GNAL: variants seen among roughly 807,000 people sequenced by gnomAD.
GNAL encodes guanine nucleotide-binding protein G(olf) subunit alpha.
GNAL carries 18 observed loss-of-function variants against 55.1 expected under a neutral mutation model. That is an observed-to-expected ratio of 0.33 (90% CI 0.23 to 0.48). The LOEUF (loss-of-function observed/expected upper bound fraction) is 0.48, where lower values mean the gene tolerates loss of function less well. Among genes scored for constraint, GNAL ranks in the 20% least tolerant of loss-of-function variants. GNAL has a pLI of 0.99. For missense variants in GNAL, 412 were observed against 614.1 expected, an observed-to-expected ratio of 0.67 and a Z score of 3.48; for synonymous variants, 253 against 237.0, an observed-to-expected ratio of 1.07 and a Z score of -0.62.
rs528181940 is a variant in GNAL, at chr18:11,766,704, C to G, written c.624+12759C>G. 3.3e-5 allele frequency among the ~76,000 whole-genome samples: 5 copies of G among 152,312 alleles called. No individual in the cohort carries two copies. The East Asian group carries it at 9.6e-4, about 29-fold the overall frequency. On this transcript the variant is annotated intron_variant, in intron 4 of 11. Coordinates refer to ENST00000334049, the MANE Select transcript of GNAL (RefSeq NM_182978.4). ...GAAATTTAACAATAGAGTAAATTAGCTGGAAACTGCTTGGGTGCTGAGACC... is the reference window on the plus strand; with the variant it reads ...GAAATTTAACAATAGAGTAAATTAGGTGGAAACTGCTTGGGTGCTGAGACC...
chr18:11,744,729 G>A (rs554460436), intron 1 of GNAL, among the ~76,000 whole-genome samples: 87 of 152,322 alleles, frequency 5.7e-4, no homozygotes, highest in African/African-American at 1.8e-3. Context: ...TTGTTCCTCA[G>A]AGACAGAGTC....
At chr18:11,849,659 T>TC (rs1461087964) in intron 5 of GNAL, among the ~76,000 whole-genome samples, 1 of 152,080 alleles carries the variant, frequency 6.6e-6, no homozygotes, top group African/African-American at 2.4e-5. Context: ...GGGCCTAAGC[T>TC]CTCTATATCC....
chr18:11,742,750 C>T (rs2032605453), intron 1 of GNAL, among the ~76,000 whole-genome samples: 1 of 152,206 alleles, frequency 6.6e-6, no homozygotes, highest in Non-Finnish European at 1.5e-5. Flanking sequence ...TCAACACCGG[C>T]CTCGGATGCC....
intron 4 of GNAL, among the ~76,000 whole-genome samples, chr18:11,782,391 T>C (rs2033945841): frequency 6.6e-6 from 1 of 152,232 alleles, no homozygotes; most frequent in Non-Finnish European, 1.5e-5. Flanking sequence ...AGTATCATAA[T>C]GTTGAATGAA....
intron 1 of GNAL, among the ~76,000 whole-genome samples, chr18:11,725,628 T>C (rs551793054): frequency 1.6e-4 from 24 of 152,328 alleles, no homozygotes; most frequent in African/African-American, 5.5e-4. Flanking sequence ...CATGGTGTGA[T>C]AGTTCATTTC....
rs560516541 is a variant in GNAL at position 11,715,286 on chromosome 18, T to C, written c.376+25347T>C. The stretch of plus-strand genomic sequence containing the variant: ...CATCCTGGCTAACACGGTGAAACCC[T>C]GTCTCTACTAAAAAAATACAAAAAA... On this transcript the variant is annotated intron_variant, in intron 1 of 11. Transcript: ENST00000334049. Among the ~76,000 whole-genome samples the C allele has an allele frequency of 5.5e-3, 769 of 138,694 alleles. 5 individuals carry two copies. Among genetic ancestry groups the C allele is most frequent in the African/African-American group, 0.022 (670 of 30,002 alleles). 91.0% of individuals were successfully genotyped at this position (138,694 alleles called of 152,430 possible). A position where few individuals can be genotyped will look rare whatever the true frequency, so the allele number is the denominator to read the frequency against.
At chr18:11,696,906 G>T (rs2031430649) in intron 1 of GNAL, among the ~76,000 whole-genome samples, 1 of 152,170 alleles carries the variant, frequency 6.6e-6, no homozygotes, top group Admixed American at 6.5e-5. Context: ...GGGCGTATGT[G>T]ATGGTTAGAG....
chr18:11,759,655 G>C (rs1245727516), intron 4 of GNAL, among the ~76,000 whole-genome samples: 1 of 152,258 alleles, frequency 6.6e-6, no homozygotes, highest in Non-Finnish European at 1.5e-5. Flanking sequence ...GTGACTCTGA[G>C]CAAGTGGCCT....
At chr18:11,710,210 T>C (rs7237489) in intron 1 of GNAL, among the ~76,000 whole-genome samples, 1 of 152,172 alleles carries the variant, frequency 6.6e-6, no homozygotes, top group African/African-American at 2.4e-5. Flanking sequence ...GGATTTTTGC[T>C]TCTGTGGACC....
Position 11,884,454 on chromosome 18 carries a change from C to T in GNAL, c.*3319C>T. On this transcript the variant is annotated 3_prime_UTR_variant, in exon 12 of 12. Transcript: ENST00000334049. ...TAATGGCGCCTGCTCTTCATCTTGT[C>T]TTACGCTTTCCGAGCAAGTTCAAAC... The T allele has an allele frequency of 2.5e-6, 4 of 1,614,006 alleles. No homozygotes were observed. The highest frequency in any genetic ancestry group is 3.4e-6 in the Non-Finnish European group (4 of 1,179,964).
chr18:11,737,163 T>C (rs761324183), intron 1 of GNAL, among the ~76,000 whole-genome samples: 5 of 152,254 alleles, frequency 3.3e-5, no homozygotes, highest in Non-Finnish European at 4.4e-5. Flanking sequence ...AAGCATCCAA[T>C]GTGTAACAAT....
At chr18:11,788,914 A>AAAAAAAAAAAAAAAAAAAT (rs60071996) in intron 4 of GNAL, among the ~76,000 whole-genome samples, 1 of 56,302 alleles carries the variant, frequency 1.8e-5, no homozygotes, top group Non-Finnish European at 2.9e-5. Flanking sequence ...AAAAAAAAAA[A>AAAAAAAAAAAAAAAAAAAT]ATATATATAT....
rs778831952 is a variant in GNAL, at chr18:11,689,905, C to G, written c.342C>G (p.Arg114=). 3 of 1,461,192 alleles carry G rather than the reference C, an allele frequency of 2.1e-6. No individual in the cohort carries two copies. The highest frequency in any genetic ancestry group is 2.7e-6 in the Non-Finnish European group (3 of 1,105,528). 90.5% of individuals were successfully genotyped at this position (1,461,192 alleles called of 1,614,324 possible). A position where few individuals can be genotyped will look rare whatever the true frequency, so the allele number is the denominator to read the frequency against. Residue 114 remains arginine, a synonymous_variant, in exon 1 of 12, where the codon CGC becomes CGG. Transcript: ENST00000334049. The part of the protein sequence containing the change: ...GIDRMLRDQK[R]DLQQTHRLLL... ...ACCGCATGCTGCGCGACCAGAAGCG[C>G]GACCTGCAGCAGACGCACCGGCTCC...
At chr18:11,762,769 A>G (rs2033285963) in intron 4 of GNAL, among the ~76,000 whole-genome samples, 1 of 152,214 alleles carries the variant, frequency 6.6e-6, no homozygotes, top group Non-Finnish European at 1.5e-5. Flanking sequence ...TTTTTTTGGA[A>G]GGATCACTTC....
intron 1 of GNAL, among the ~76,000 whole-genome samples, chr18:11,719,720 C>T (rs1167990520): frequency 6.6e-6 from 1 of 152,208 alleles, no homozygotes; most frequent in Non-Finnish European, 1.5e-5. Context: ...CCTGGAAGAA[C>T]GGAAGCAGGC....
intron 11 of GNAL, among the ~76,000 whole-genome samples, chr18:11,880,120 G>C (rs765844118): frequency 6.0e-5 from 9 of 151,212 alleles, no homozygotes; most frequent in Non-Finnish European, 1.3e-4. Context: ...AGCCAGGCGT[G>C]GTGGCGCACG....
At position 11,868,704 on chromosome 18, in the gene GNAL, A is replaced by G. The variant is rs1203307325; in HGVS notation, c.1031+41A>G. The G allele has an allele frequency of 5.7e-6, 9 of 1,570,238 alleles. No homozygotes were observed. Among genetic ancestry groups the G allele is most frequent in the Non-Finnish European group, 7.8e-6 (9 of 1,153,738 alleles). On this transcript the variant is annotated intron_variant, in intron 9 of 11. Transcript: ENST00000334049. The surrounding 1 kb of genome is among the most constrained non-coding windows in gnomAD (Gnocchi z 4.0). ...AATTCAGTCTTACCATTGGATTGCA[A>G]ATTTTCTTTTGTTAAAAATACGCTC...
At chr18:11,695,658 CT>C (rs1233061867) in intron 1 of GNAL, among the ~76,000 whole-genome samples, 1 of 152,130 alleles carries the variant, frequency 6.6e-6, no homozygotes, top group African/African-American at 2.4e-5. Context: ...TAATATGATT[CT>C]TTTCCTGGAT....
chr18:11,845,718 A>G (rs533480525), intron 5 of GNAL, among the ~76,000 whole-genome samples: 134 of 151,588 alleles, frequency 8.8e-4, no homozygotes, highest in African/African-American at 3.1e-3. Flanking sequence ...CCTGAAGGAA[A>G]GAAATAAAGG....
Sources: allele counts gnomAD v4.1 joint callset (sites outside exome capture counted in the v4.1 genomes callset), GRCh38; gene constraint gnomAD v4.1.1; non-coding constraint Gnocchi (gnomAD v3.1); transcripts MANE v1.5; gene names NCBI Gene and HGNC (gene_info 2026-07-23, HGNC 2026-07-21).